CLCN3: variants seen among roughly 807,000 people sequenced by gnomAD.
The protein encoded by CLCN3 is Cl-/H+ antiporter 3, also known as H(+)/Cl(-) exchange transporter 3.
Under a neutral mutation model 83.4 loss-of-function variants are expected in CLCN3, and 16 were observed. The observed-to-expected ratio is 0.19, with a 90% CI of 0.13 to 0.29. The LOEUF (loss-of-function observed/expected upper bound fraction) is 0.29, where lower values mean the gene tolerates loss of function less well. Ranked by LOEUF, CLCN3 falls within the 10% of genes least tolerant of loss-of-function variation. The pLI is 1.00. For missense variants in CLCN3, 544 were observed against 1,006.0 expected (o/e 0.54, Z 6.21); for synonymous variants, 322 against 346.2 (o/e 0.93, Z 0.78).
At chr4:169,692,541 G>A (rs1251679139) in intron 7 of CLCN3, among the ~76,000 whole-genome samples, 1 of 152,170 alleles carries the variant, frequency 6.6e-6, no homozygotes, top group Non-Finnish European at 1.5e-5. Context: ...TAGATAGACA[G>A]CTGGTGTCCA....
chr4:169,635,906 C>T lies in CLCN3; in HGVS notation c.-16-7C>T. 1 of 1,513,066 alleles carries T rather than the reference C, an allele frequency of 6.6e-7. No individual in the cohort carries two copies. Among genetic ancestry groups the T allele is most frequent in the Non-Finnish European group, 8.9e-7 (1 of 1,127,070 alleles). The allele number at this position is 1,513,066 out of a possible 1,614,324, so 93.7% of individuals were successfully genotyped here. On this transcript the variant is annotated splice_region_variant and splice_polypyrimidine_tract_variant and intron_variant, in intron 1 of 12. Transcript: ENST00000513761. The stretch of plus-strand genomic sequence containing the variant: ...AAAATGTTAAAACTACTTTTTCCCC[C>T]CCACAGATAATCAGACAGCTAAATG...
At chr4:169,662,529 G>A (rs1012402020) in intron 2 of CLCN3, among the ~76,000 whole-genome samples, 3 of 152,118 alleles carry the variant, frequency 2.0e-5, no homozygotes, top group African/African-American at 7.2e-5. Flanking sequence ...GCTTCCCTGT[G>A]AGGAAGAACA....
chr4:169,701,198 T>C (rs907183667), intron 9 of CLCN3, among the ~76,000 whole-genome samples: 5 of 152,238 alleles, frequency 3.3e-5, no homozygotes, highest in Admixed American at 2.6e-4. Context: ...ACAACATCTT[T>C]ACCAGGACTG....
intron 1 of CLCN3, among the ~76,000 whole-genome samples, chr4:169,634,274 T>C (rs774928086): frequency 2.6e-5 from 4 of 152,202 alleles, no homozygotes; most frequent in Non-Finnish European, 4.4e-5. Flanking sequence ...CTAGCTAATG[T>C]TCACTGAAAT....
rs573754599 is a variant in CLCN3, at chr4:169,635,901, TC to T, written c.-16-5del. The T allele has an allele frequency of 3.7e-5, 55 of 1,506,584 alleles. No homozygotes were observed. The highest frequency in any genetic ancestry group is 4.4e-5 in the Non-Finnish European group (50 of 1,123,908). 93.3% of individuals were successfully genotyped at this position (1,506,584 alleles called of 1,614,324 possible). A position where few individuals can be genotyped will look rare whatever the true frequency, so the allele number is the denominator to read the frequency against. On this transcript the variant is annotated splice_polypyrimidine_tract_variant and intron_variant, in intron 1 of 12. Transcript: ENST00000513761. Reference sequence around the variant, plus strand: ...TTTGAAAAATGTTAAAACTACTTTTTCCCCCCCACAGATAATCAGACAGCTA... The same window carrying T: ...TTTGAAAAATGTTAAAACTACTTTTTCCCCCCACAGATAATCAGACAGCTA...
chr4:169,715,877 G>A (rs1215035000), intron 12 of CLCN3, among the ~76,000 whole-genome samples: 1 of 151,958 alleles, frequency 6.6e-6, no homozygotes, highest in East Asian at 1.9e-4. Context: ...ATACAATTGA[G>A]GTTTCTTTAC....
chr4:169,716,646 G>C (rs1232555488), intron 12 of CLCN3, among the ~76,000 whole-genome samples: 1 of 152,106 alleles, frequency 6.6e-6, no homozygotes, highest in Non-Finnish European at 1.5e-5. Context: ...GAACTTTTAA[G>C]GATCGATACA....
intron 3 of CLCN3, among the ~76,000 whole-genome samples, chr4:169,687,350 G>A (rs966317392): frequency 6.6e-6 from 1 of 152,100 alleles, no homozygotes; most frequent in African/African-American, 2.4e-5. Context: ...GGAGCCCAAG[G>A]CAGGTAGATC....
chr4:169,654,972 GCTT>G (rs1277760694), intron 2 of CLCN3, among the ~76,000 whole-genome samples: 1 of 152,020 alleles, frequency 6.6e-6, no homozygotes, highest in African/African-American at 2.4e-5. Flanking sequence ...TTTATCTACT[GCTT>G]CTTGTCATTC....
Position 169,675,341 on chromosome 4 carries a change from C to T in CLCN3, c.161-4709C>T, listed in dbSNP as rs554355767. Among the ~76,000 whole-genome samples, 90 of 152,236 alleles carry T rather than the reference C, an allele frequency of 5.9e-4. 1 individual carries two copies. The highest frequency in any genetic ancestry group is 2.0e-3 in the African/African-American group (82 of 41,552). The stretch of plus-strand genomic sequence containing the variant: ...AGTCTAAGAATGTTTATAGTGATTA[C>T]GAGAAGTTCAGATTCTGGCTTTAAC... On this transcript the variant is annotated intron_variant, in intron 2 of 12. Transcript: ENST00000513761.
intron 11 of CLCN3, among the ~76,000 whole-genome samples, chr4:169,710,420 C>A (rs1031687493): frequency 1.3e-5 from 2 of 152,190 alleles, no homozygotes; most frequent in African/African-American, 2.4e-5. Context: ...CATGCGCCAC[C>A]ATGACTGGCT....
rs940525036 is a variant in CLCN3 at position 169,656,141 on chromosome 4, T to C, written c.160+20053T>C. 3.9e-5 allele frequency among the ~76,000 whole-genome samples: 6 copies of C among 152,084 alleles called. 1 individual carries two copies. The highest frequency in any genetic ancestry group is 3.9e-4 in the Admixed American group (6 of 15,264). The stretch of plus-strand genomic sequence containing the variant: ...CAAGTTAAGGTTTAGTGCCATATAG[T>C]GTGTCCAAATGTAAACTTAAAGCAG... On this transcript the variant is annotated intron_variant, in intron 2 of 12. Coordinates refer to ENST00000513761, the MANE Select transcript of CLCN3 (RefSeq NM_001829.4).
chr4:169,641,166 G>A (rs1730402896), intron 2 of CLCN3, among the ~76,000 whole-genome samples: 1 of 152,122 alleles, frequency 6.6e-6, no homozygotes, highest in African/African-American at 2.4e-5. Context: ...GAGGCAAGAG[G>A]ATTGCTTGAG....
At chr4:169,661,487 C>T (rs1414719174) in intron 2 of CLCN3, among the ~76,000 whole-genome samples, 1 of 151,958 alleles carries the variant, frequency 6.6e-6, no homozygotes, top group Non-Finnish European at 1.5e-5. Context: ...ATAATTTAAA[C>T]ATTATAATGT....
At chr4:169,656,274 C>T (rs1730881347) in intron 2 of CLCN3, among the ~76,000 whole-genome samples, 1 of 152,158 alleles carries the variant, frequency 6.6e-6, no homozygotes, top group African/African-American at 2.4e-5. Flanking sequence ...GTACGCGAAG[C>T]ATAGCGTCTT....
Position 169,692,296 on chromosome 4 carries a change from C to A in CLCN3, c.912C>A (p.Ser304Arg). ...TTTCCTACCTCTTTCCAAAGTATAG[C>A]ACAAACGAAGCTAAAAAAAGGGAGG... ...NIFSYLFPKYSTNEAKKREVL... is the reference protein window; with the variant it reads ...NIFSYLFPKYRTNEAKKREVL... Residue 304 changes from serine (S) to arginine (R), a missense_variant, in exon 7 of 13, where the codon AGC becomes AGA. By Grantham distance (110) the Ser-to-Arg change is moderately radical. This residue lies in a region of CLCN3 where 194 missense variants were observed against 341.4 expected (regional missense o/e 0.57). Transcript: ENST00000513761. 6.2e-7 allele frequency: 1 copy of A among 1,608,256 alleles called. No individual in the cohort carries two copies. The highest frequency in any genetic ancestry group is 8.5e-7 in the Non-Finnish European group (1 of 1,175,782).
chr4:169,686,288 A>G (rs1474980347), intron 3 of CLCN3, among the ~76,000 whole-genome samples: 1 of 151,822 alleles, frequency 6.6e-6, no homozygotes, highest in African/African-American at 2.4e-5. Flanking sequence ...AAACCTGCAC[A>G]TTGTGCACAT....
intron 2 of CLCN3, among the ~76,000 whole-genome samples, chr4:169,641,540 C>T (rs1730412749): frequency 6.6e-6 from 1 of 152,124 alleles, no homozygotes; most frequent in African/African-American, 2.4e-5. Context: ...CAAGAGATTC[C>T]AGTATTTTCA....
At position 169,723,468 on chromosome 4, in the gene CLCN3, C is replaced by T. The variant is rs1581305880; in HGVS notation, c.*3471C>T. 1 of 150,962 alleles carries T rather than the reference C, an allele frequency of 6.6e-6. No individual in the cohort carries two copies. Among genetic ancestry groups the T allele is most frequent in the South Asian group, 2.1e-4 (1 of 4,760 alleles). 9.4% of individuals were successfully genotyped at this position (150,962 alleles called of 1,614,324 possible). A position where few individuals can be genotyped will look rare whatever the true frequency, so the allele number is the denominator to read the frequency against. On this transcript the variant is annotated 3_prime_UTR_variant, in exon 13 of 13. Transcript: ENST00000513761. ...ACAGAAAACTGATTTCATTTCAGCT[C>T]ACTTTCAAAAGTGATTTTTTTTTTT...
Sources: gnomAD v4.1 joint callset for allele counts (sites outside exome capture counted in the v4.1 genomes callset) on GRCh38, gnomAD v4.1.1 for gene constraint, gnomAD v4.1.1 regional missense constraint, MANE v1.5 for transcripts, NCBI Gene and HGNC (gene_info 2026-07-23, HGNC 2026-07-21) for gene names.